UTRN: variants seen among roughly 807,000 people sequenced by gnomAD.
The protein encoded by UTRN is utrophin.
A neutral mutation model predicts 463.9 loss-of-function variants in UTRN; 283 were observed. That is an observed-to-expected ratio of 0.61 (90% CI 0.55 to 0.67). The LOEUF is 0.67. Ranked by LOEUF, UTRN falls within the 30% of genes least tolerant of loss-of-function variation. The pLI, the probability that UTRN is intolerant of heterozygous loss-of-function variation, is 0.00. For synonymous variants in UTRN, 1,442 were observed against 1,431.5 expected (o/e 1.01, Z -0.17); for missense variants, 3,922 against 4,084.3 (o/e 0.96, Z 1.08).
At chr6:144,443,126 A>G (rs1787335043) in intron 13 of UTRN, among the ~76,000 whole-genome samples, 1 of 152,172 alleles carries the variant, frequency 6.6e-6, no homozygotes. Context: ...TAACAGATAA[A>G]TTTATTGGTA....
At position 144,425,716 on chromosome 6, in the gene UTRN, C is replaced by T. The variant is rs568762254; in HGVS notation, c.406-571C>T. Among the ~76,000 whole-genome samples the T allele has an allele frequency of 6.6e-5, 10 of 152,124 alleles. No individual in the cohort carries two copies. The South Asian group carries it at 2.1e-3, about 31-fold the overall frequency. On this transcript the variant is annotated intron_variant, in intron 6 of 74. Transcript: ENST00000367545. ...CTAGTACTCATTTCAGTGTTCAAGT[C>T]ATCCTAGATTTGGCCAGTGTGAGCC...
In UTRN at chr6:144,670,328, G is replaced by A. The variant is rs12332931; in HGVS notation, c.7480-8078G>A. 6.2e-3 allele frequency among the ~76,000 whole-genome samples: 940 copies of A among 152,148 alleles called. 7 individuals are homozygous for A. The highest frequency in any genetic ancestry group is 0.022 in the African/African-American group (907 of 41,518). On this transcript the variant is annotated intron_variant, in intron 51 of 74. Coordinates refer to ENST00000367545, the MANE Select transcript of UTRN (RefSeq NM_007124.3). ...TTTAATTATGGCCATTCTTGCAGGA[G>A]TAAGGGGGTATCACATTGTGGTTTT...
intron 43 of UTRN, among the ~76,000 whole-genome samples, chr6:144,535,680 T>A (rs759681818): frequency 6.6e-6 from 1 of 152,252 alleles, no homozygotes; most frequent in Non-Finnish European, 1.5e-5. Flanking sequence ...ATTGTATATA[T>A]GTTGTTAACA....
At chr6:144,557,706 G>T (rs1187952787) in intron 50 of UTRN, among the ~76,000 whole-genome samples, 1 of 152,016 alleles carries the variant, frequency 6.6e-6, no homozygotes, top group Non-Finnish European at 1.5e-5. Context: ...TGCTATTTGG[G>T]TGGGGCATCC....
chr6:144,684,628 A>G (rs1782561518), intron 52 of UTRN, among the ~76,000 whole-genome samples: 1 of 152,150 alleles, frequency 6.6e-6, no homozygotes, highest in African/African-American at 2.4e-5. Flanking sequence ...GGCCATGTGC[A>G]TCTGAATGCA....
chr6:144,532,424 G>GGCAGGAGAGAGAAGTGCTGAGCA (rs1380723903), intron 42 of UTRN, among the ~76,000 whole-genome samples: 1 of 152,132 alleles, frequency 6.6e-6, no homozygotes, highest in African/African-American at 2.4e-5. Context: ...TTCATATGGC[G>GGCAGGAGAGAGAAGTGCTGAGCA]GCAGGAGAGA....
chr6:144,581,774 C>A (rs1801991541), intron 51 of UTRN, among the ~76,000 whole-genome samples: 1 of 152,152 alleles, frequency 6.6e-6, no homozygotes, highest in African/African-American at 2.4e-5. Context: ...ATTGTACGAC[C>A]ATCACCACAA....
chr6:144,431,457 G>C (rs1437543543), intron 9 of UTRN, among the ~76,000 whole-genome samples: 1 of 152,192 alleles, frequency 6.6e-6, no homozygotes, highest in Non-Finnish European at 1.5e-5. Flanking sequence ...TCATCTCTCT[G>C]ACATAGCTTG....
At chr6:144,340,958 A>G (rs1777095932) in intron 2 of UTRN, among the ~76,000 whole-genome samples, 1 of 152,286 alleles carries the variant, frequency 6.6e-6, no homozygotes, top group South Asian at 2.1e-4. Context: ...TGTGTGTTCA[A>G]TGGTTTGCTT....
At chr6:144,514,908 G>A (rs1795483180) in intron 37 of UTRN, 88 bp downstream of exon 37, 1 of 1,347,750 alleles carries the variant, frequency 7.4e-7, no homozygotes, top group Non-Finnish European at 1.0e-6. Context: ...CAACAATTTT[G>A]TTTTATTATT....
intron 54 of UTRN, among the ~76,000 whole-genome samples, chr6:144,732,230 A>ATG (rs1554359838): frequency 1.0e-4 from 3 of 28,834 alleles, no homozygotes; most frequent in South Asian, 1.1e-3. Context: ...ATATATATAT[A>ATG]TATATATACA....
In UTRN at chr6:144,634,111, T is replaced by C. The variant is rs114401574; in HGVS notation, c.7480-44295T>C. On this transcript the variant is annotated intron_variant, in intron 51 of 74. Transcript: ENST00000367545. ...TCACGCATAGTGTCCGAGCCGGTGC[T>C]GGTGCCTAGTGAGAACATGGACAGT... 6.6e-3 allele frequency among the ~76,000 whole-genome samples: 1,010 copies of C among 152,360 alleles called. 12 individuals carry two copies. Among genetic ancestry groups the C allele is most frequent in the African/African-American group, 0.024 (983 of 41,582 alleles).
At chr6:144,676,442 T>C (rs557960732) in intron 51 of UTRN, among the ~76,000 whole-genome samples, 5 of 152,278 alleles carry the variant, frequency 3.3e-5, no homozygotes, top group African/African-American at 1.2e-4. Context: ...TCTCCCCTCT[T>C]TCTCTGTTTT....
At chr6:144,612,402 GCAAT>G (rs1054319154) in intron 51 of UTRN, among the ~76,000 whole-genome samples, 4 of 152,052 alleles carry the variant, frequency 2.6e-5, no homozygotes, top group Non-Finnish European at 5.9e-5. Context: ...AGCAAAGGCA[GCAAT>G]CAAAGTGGAG....
At chr6:144,826,944 T>G (rs774323395) in intron 66 of UTRN, among the ~76,000 whole-genome samples, 1 of 152,176 alleles carries the variant, frequency 6.6e-6, no homozygotes, top group Non-Finnish European at 1.5e-5. Context: ...ATTTTTAACT[T>G]CATCTTTCTA....
At chr6:144,288,315 A>C (rs1344802720) in intron 1 of UTRN, among the ~76,000 whole-genome samples, 1 of 152,238 alleles carries the variant, frequency 6.6e-6, no homozygotes, top group East Asian at 1.9e-4. Context: ...GTTACTGATA[A>C]TGGGCAAATG....
intron 2 of UTRN, among the ~76,000 whole-genome samples, chr6:144,365,688 T>G (rs1779443543): frequency 6.6e-6 from 1 of 152,186 alleles, no homozygotes; most frequent in Non-Finnish European, 1.5e-5. Context: ...TTAAGGTATT[T>G]TTTTGGTGAT....
chr6:144,523,939 A>G (rs914886127), intron 41 of UTRN, among the ~76,000 whole-genome samples: 1 of 152,182 alleles, frequency 6.6e-6, no homozygotes, highest in South Asian at 2.1e-4. Context: ...CAGGACTATT[A>G]ATAGGTAGAA....
intron 2 of UTRN, among the ~76,000 whole-genome samples, chr6:144,330,472 T>C (rs533692644): frequency 6.6e-6 from 1 of 152,324 alleles, no homozygotes; most frequent in African/African-American, 2.4e-5. Context: ...ACAAGCTCTC[T>C]TGCAAGAGTT....
Sources: allele counts gnomAD v4.1 joint callset (sites outside exome capture counted in the v4.1 genomes callset), GRCh38; gene constraint gnomAD v4.1.1; transcripts MANE v1.5; gene names NCBI Gene and HGNC (gene_info 2026-07-23, HGNC 2026-07-21).